The following TACR3 variants were observed in gnomAD, a reference collection of about 807,000 sequenced individuals.
TACR3 encodes the protein tachykinin receptor 3.
In TACR3, 34 loss-of-function variants were observed where a neutral mutation model predicts 35.0. The observed-to-expected ratio is 0.97, with a 90% CI of 0.74 to 1.30. The LOEUF is 1.30. Ranked by LOEUF, TACR3 falls within the 50% of genes most tolerant of loss-of-function variation. The pLI is 0.00. For synonymous variants in TACR3, 233 were observed against 221.1 expected (o/e 1.05, Z -0.48); for missense variants, 558 against 591.7 (o/e 0.94, Z 0.59).
At chr4:103,618,638 A>G (rs1480498637) in intron 3 of TACR3, among the ~76,000 whole-genome samples, 1 of 136,244 alleles carries the variant, frequency 7.3e-6, no homozygotes, top group East Asian at 2.2e-4. Flanking sequence ...GTGAGGAATG[A>G]CAGGTAGTTT....
intron 2 of TACR3, 100 bp downstream of exon 2, chr4:103,658,115 C>T: frequency 8.4e-7 from 1 of 1,191,012 alleles, no homozygotes; most frequent in Non-Finnish European, 1.2e-6. Context: ...TGTATGAACC[C>T]TGGGGGAAAT....
At chr4:103,625,326 G>C (rs187910208) in intron 3 of TACR3, among the ~76,000 whole-genome samples, 1 of 151,990 alleles carries the variant, frequency 6.6e-6, no homozygotes, top group Non-Finnish European at 1.5e-5. Context: ...TGTTGTGCTA[G>C]GCACATTAAA....
At chr4:103,680,419 A>G (rs1203810576) in intron 1 of TACR3, among the ~76,000 whole-genome samples, 1 of 150,832 alleles carries the variant, frequency 6.6e-6, no homozygotes, top group Non-Finnish European at 1.5e-5. Flanking sequence ...AGAAACCAGT[A>G]TGGAAATTTG....
At chr4:103,643,375 TC>T (rs1725396837) in intron 3 of TACR3, among the ~76,000 whole-genome samples, 1 of 151,338 alleles carries the variant, frequency 6.6e-6, no homozygotes, top group African/African-American at 2.4e-5. Context: ...GCAGGAAATT[TC>T]AGTAGGGGGG....
chr4:103,631,267 G>T, intron 3 of TACR3, among the ~76,000 whole-genome samples: 1 of 151,954 alleles, frequency 6.6e-6, no homozygotes, highest in East Asian at 1.9e-4. Flanking sequence ...CATGATACAT[G>T]TATACCTGTG....
chr4:103,658,281 G>T lies in TACR3; in HGVS notation c.671C>A (p.Thr224Asn). The change falls in exon 2 of 5, where the codon ACC becomes AAC. Residue 224 changes from threonine to asparagine, a missense_variant. By Grantham distance (65) the Thr-to-Asn change is moderately conservative. Transcript: ENST00000304883. The stretch of plus-strand genomic sequence containing the variant: ...GAGAGTACGGCCTGGCATGACTTTG[G>T]TTTTGGAATAAAGACACTGAGGGAA... The part of the protein sequence containing the change: ...LAFPQCLYSK[T>N]KVMPGRTLCF... The T allele has an allele frequency of 6.2e-7, 1 of 1,613,962 alleles. No homozygotes were observed.
intron 3 of TACR3, among the ~76,000 whole-genome samples, chr4:103,619,986 T>G (rs919460709): frequency 6.6e-6 from 1 of 152,088 alleles, no homozygotes; most frequent in South Asian, 2.1e-4. Context: ...ATGGAGGATA[T>G]TCACAAACTA....
At chr4:103,619,009 T>C (rs1341425165) in intron 3 of TACR3, among the ~76,000 whole-genome samples, 2 of 152,228 alleles carry the variant, frequency 1.3e-5, no homozygotes, top group African/African-American at 4.8e-5. Context: ...CTTTAGGATA[T>C]TTCACGTAGA....
intron 3 of TACR3, among the ~76,000 whole-genome samples, chr4:103,650,720 A>T (rs1200927942): frequency 2.5e-4 from 12 of 47,508 alleles, no homozygotes; most frequent in African/African-American, 2.5e-3. Context: ...AATATATATA[A>T]ATAAATATAT....
At chr4:103,659,013 C>A (rs1247171258) in intron 1 of TACR3, among the ~76,000 whole-genome samples, 2 of 152,152 alleles carry the variant, frequency 1.3e-5, no homozygotes, top group African/African-American at 2.4e-5. Flanking sequence ...AAGGAGCACT[C>A]AACTTAGATT....
At chr4:103,600,687 A>T (rs1486686626) in intron 3 of TACR3, among the ~76,000 whole-genome samples, 1 of 152,184 alleles carries the variant, frequency 6.6e-6, no homozygotes, top group African/African-American at 2.4e-5. Context: ...TTCAAAGAAC[A>T]TCTTTATTTC....
At chr4:103,639,840 T>C (rs1034466915) in intron 3 of TACR3, among the ~76,000 whole-genome samples, 10 of 151,996 alleles carry the variant, frequency 6.6e-5, no homozygotes. Context: ...GTCTTCCTTA[T>C]GCAGTTATAA....
Position 103,719,604 on chromosome 4 carries a change from C to G in TACR3, c.72G>C (p.Leu24=), listed in dbSNP as rs1403066065. Reference sequence around the variant, plus strand: ...CCGCCCCGGCAGCTAGCGAGGCGGTCAGGTTCACGGCGTCTGCACCCACGC... The same window carrying G: ...CCGCCCCGGCAGCTAGCGAGGCGGTGAGGTTCACGGCGTCTGCACCCACGC... ...GGGVGADAVN[L]TASLAAGAAT... Residue 24 remains leucine, a synonymous_variant, in exon 1 of 5, where the codon CTG becomes CTC. Transcript: ENST00000304883. The G allele has an allele frequency of 1.2e-6, 2 of 1,613,138 alleles. No individual in the cohort carries two copies. The highest frequency in any genetic ancestry group is 1.7e-6 in the Non-Finnish European group (2 of 1,179,532).
At chr4:103,706,163 C>G (rs1553912622) in intron 1 of TACR3, among the ~76,000 whole-genome samples, 1 of 152,026 alleles carries the variant, frequency 6.6e-6, no homozygotes, top group Non-Finnish European at 1.5e-5. Context: ...TATTGAAACA[C>G]TGAAAGAGGG....
chr4:103,593,446 T>C (rs1025123536), intron 3 of TACR3: 3 of 152,138 alleles, frequency 2.0e-5, no homozygotes, highest in African/African-American at 7.2e-5. Flanking sequence ...AGTATGAACA[T>C]GTGCAGATAA....
intron 1 of TACR3, among the ~76,000 whole-genome samples, chr4:103,673,936 C>CAACT (rs962864936): frequency 2.0e-5 from 3 of 152,142 alleles, no homozygotes; most frequent in African/African-American, 7.2e-5. Flanking sequence ...CAAATGTGTA[C>CAACT]AACTCCATTC....
In TACR3 at chr4:103,685,556, G is replaced by A. The variant is rs567994418; in HGVS notation, c.549-27153C>T. 9.2e-5 allele frequency among the ~76,000 whole-genome samples: 14 copies of A among 152,178 alleles called. No homozygotes were observed. In the East Asian group the frequency reaches 2.5e-3, roughly 27 times the overall value. On this transcript the variant is annotated intron_variant, in intron 1 of 4. Coordinates refer to ENST00000304883, the MANE Select transcript of TACR3 (RefSeq NM_001059.3). ...AACTTTGCTCTGCACAATGCCTTGT[G>A]AAAAGAGTAGAAAAATAAGCCACAG...
chr4:103,718,078 CAG>C (rs1199367991), intron 1 of TACR3, among the ~76,000 whole-genome samples: 1 of 152,132 alleles, frequency 6.6e-6, no homozygotes, highest in Non-Finnish European at 1.5e-5. Flanking sequence ...ATAGTAAACA[CAG>C]AGGATGAACT....
intron 3 of TACR3, among the ~76,000 whole-genome samples, chr4:103,603,202 G>A (rs977377883): frequency 2.1e-4 from 32 of 152,240 alleles, no homozygotes; most frequent in South Asian, 4.1e-4. Context: ...AGCCATGTGC[G>A]GGATATAATC....
Sources: gnomAD v4.1 joint callset for allele counts (sites outside exome capture counted in the v4.1 genomes callset) on GRCh38, gnomAD v4.1.1 for gene constraint, MANE v1.5 for transcripts, NCBI Gene and HGNC (gene_info 2026-07-23, HGNC 2026-07-21) for gene names.